Variants in SDK1 observed in about 807,000 individuals in gnomAD.
SDK1 encodes protein sidekick-1.
In SDK1, 157 loss-of-function variants were observed where a neutral mutation model predicts 245.5. The ratio of observed to expected loss-of-function variants is 0.64; its 90% CI spans 0.56 to 0.73. SDK1 has a LOEUF of 0.73. Ranked by LOEUF, SDK1 falls within the 30% of genes least tolerant of loss-of-function variation. The pLI, the probability that SDK1 is intolerant of heterozygous loss-of-function variation, is 0.00. For missense variants in SDK1, 3,583 were observed against 3,002.3 expected (o/e 1.19, Z -4.52); for synonymous variants, 1,647 against 1,278.5 (o/e 1.29, Z -6.15).
At chr7:3,462,603 A>G (rs1316805189) in intron 1 of SDK1, among the ~76,000 whole-genome samples, 5 of 152,168 alleles carry the variant, frequency 3.3e-5, no homozygotes, top group Non-Finnish European at 7.4e-5. Context: ...CTCAACTCGA[A>G]CTAGACCAAA....
chr7:3,969,752 A>C (rs531460567), intron 11 of SDK1, among the ~76,000 whole-genome samples: 3 of 152,238 alleles, frequency 2.0e-5, no homozygotes, highest in Non-Finnish European at 4.4e-5. Context: ...TTTTATAAGA[A>C]AATTAAGAAT....
intron 35 of SDK1, among the ~76,000 whole-genome samples, chr7:4,202,113 A>C (rs1783921510): frequency 6.6e-6 from 1 of 152,112 alleles, no homozygotes; most frequent in Non-Finnish European, 1.5e-5. Flanking sequence ...CCACATCCCT[A>C]GCTGGACATG....
chr7:4,196,397 C>T (rs1330003293), intron 35 of SDK1, among the ~76,000 whole-genome samples: 1 of 152,264 alleles, frequency 6.6e-6, no homozygotes, highest in Non-Finnish European at 1.5e-5. Context: ...TTGACTGTCT[C>T]ACTCTCTGCT....
At chr7:3,902,220 T>C (rs1324374148) in intron 5 of SDK1, among the ~76,000 whole-genome samples, 1 of 152,202 alleles carries the variant, frequency 6.6e-6, no homozygotes, top group Non-Finnish European at 1.5e-5. Context: ...GTGTGTATTT[T>C]AAATCATGAG....
intron 25 of SDK1, among the ~76,000 whole-genome samples, chr7:4,121,740 G>A (rs1784078901): frequency 6.6e-6 from 1 of 152,138 alleles, no homozygotes; most frequent in Admixed American, 6.5e-5. Context: ...CTTGTTCAGA[G>A]GATTTTGATC....
chr7:3,781,219 C>T (rs1780725407), intron 4 of SDK1, among the ~76,000 whole-genome samples: 2 of 152,070 alleles, frequency 1.3e-5, no homozygotes, highest in African/African-American at 4.8e-5. Flanking sequence ...CAATAGTGGC[C>T]AAGGAATACA....
At position 3,962,688 on chromosome 7, in the gene SDK1, G is replaced by A. The variant is rs774767503; in HGVS notation, c.1266G>A (p.Lys422=). 6.2e-7 allele frequency: 1 copy of A among 1,613,568 alleles called. No individual in the cohort carries two copies. The highest frequency in any genetic ancestry group is 8.5e-7 in the Non-Finnish European group (1 of 1,179,720). Residue 422 remains lysine, a synonymous_variant, in exon 9 of 45, where the codon AAG becomes AAA. Coordinates refer to ENST00000404826, the MANE Select transcript of SDK1 (RefSeq NM_152744.4). ...GVPLPTLQWY[K]DAISISRLQN... ...CCCTTCCCACCCTCCAGTGGTACAA[G>A]GATGCCATCTCCATCAGCAGGCTCC...
chr7:3,843,234 C>G (rs1367425757), intron 5 of SDK1, among the ~76,000 whole-genome samples: 1 of 152,196 alleles, frequency 6.6e-6, no homozygotes, highest in Non-Finnish European at 1.5e-5. Context: ...AACCACTTTC[C>G]TCAACTGTTT....
chr7:3,958,122 G>A (rs1428930689), intron 7 of SDK1: 3 of 401,022 alleles, frequency 7.5e-6, no homozygotes, highest in Non-Finnish European at 1.5e-5. Flanking sequence ...TATAATGAAA[G>A]TAAACCAGCT....
intron 35 of SDK1, among the ~76,000 whole-genome samples, chr7:4,184,497 A>C (rs1782770514): frequency 1.3e-5 from 2 of 152,330 alleles, no homozygotes; most frequent in Middle Eastern, 3.4e-3. Context: ...GTCAGCCCCC[A>C]GTCAGTATTT....
intron 4 of SDK1, among the ~76,000 whole-genome samples, chr7:3,683,157 TATG>T (rs1277616506): frequency 6.6e-6 from 1 of 152,202 alleles, no homozygotes; most frequent in East Asian, 1.9e-4. Context: ...TCTTCTTTCA[TATG>T]ATATTTCTTG....
chr7:3,552,287 C>T (rs1009880892), intron 1 of SDK1, among the ~76,000 whole-genome samples: 15 of 152,112 alleles, frequency 9.9e-5, no homozygotes, highest in Non-Finnish European at 1.6e-4. Flanking sequence ...GTGATCCACC[C>T]GCCTTGGCCT....
At chr7:4,214,444 T>C (rs187749500) in intron 38 of SDK1, among the ~76,000 whole-genome samples, 85 of 152,336 alleles carry the variant, frequency 5.6e-4, no homozygotes, top group Middle Eastern at 3.4e-3. Context: ...CTTTTGTCTG[T>C]TGCGAAGGGC....
chr7:3,859,245 C>T (rs1244340543), intron 5 of SDK1, among the ~76,000 whole-genome samples: 1 of 152,094 alleles, frequency 6.6e-6, no homozygotes, highest in Non-Finnish European at 1.5e-5. Context: ...CAACTTTGAT[C>T]CACCTGCCTA....
At chr7:3,377,079 T>C (rs1458899615) in intron 1 of SDK1, among the ~76,000 whole-genome samples, 1 of 152,236 alleles carries the variant, frequency 6.6e-6, no homozygotes, top group Non-Finnish European at 1.5e-5. Flanking sequence ...GCAATTACTT[T>C]TGCAAAACTA....
intron 5 of SDK1, among the ~76,000 whole-genome samples, chr7:3,868,602 A>G (rs986253473): frequency 1.3e-5 from 2 of 152,234 alleles, no homozygotes; most frequent in African/African-American, 4.8e-5. Flanking sequence ...TCTTTCATCT[A>G]TAATTTTCTC....
intron 22 of SDK1, among the ~76,000 whole-genome samples, chr7:4,102,302 G>A (rs1782607894): frequency 6.6e-6 from 1 of 152,308 alleles, no homozygotes; most frequent in South Asian, 2.1e-4. Flanking sequence ...TCATTTGGCT[G>A]TGGTGGGCAC....
intron 1 of SDK1, among the ~76,000 whole-genome samples, chr7:3,508,292 C>T (rs1156249805): frequency 6.6e-6 from 1 of 151,278 alleles, no homozygotes; most frequent in Non-Finnish European, 1.5e-5. Context: ...ATTACTCTTT[C>T]CTCTCTGACA....
At chr7:3,341,987 G>T (rs1234694457) in intron 1 of SDK1, among the ~76,000 whole-genome samples, 4 of 152,082 alleles carry the variant, frequency 2.6e-5, no homozygotes, top group African/African-American at 4.8e-5. Context: ...TCTAGTAAAA[G>T]AATAAAGCAG....
Sources: allele counts gnomAD v4.1 joint callset (sites outside exome capture counted in the v4.1 genomes callset), GRCh38; gene constraint gnomAD v4.1.1; transcripts MANE v1.5; gene names NCBI Gene and HGNC (gene_info 2026-07-23, HGNC 2026-07-21).